NDUFA10: variants seen among roughly 807,000 people sequenced by gnomAD.
NDUFA10 encodes the protein NADH dehydrogenase [ubiquinone] 1 alpha subcomplex subunit 10, mitochondrial.
NDUFA10 carries 40 observed loss-of-function variants against 47.8 expected under a neutral mutation model. The observed-to-expected ratio is 0.84, with a 90% CI of 0.65 to 1.09. The LOEUF is 1.09. Ranked by LOEUF, NDUFA10 falls within the 50% of genes least tolerant of loss-of-function variation. The pLI is 0.00. For missense variants in NDUFA10, 413 were observed against 451.1 expected (o/e 0.92, Z 0.76); for synonymous variants, 183 against 172.2 (o/e 1.06, Z -0.49).
intron 9 of NDUFA10, among the ~76,000 whole-genome samples, chr2:239,963,409 G>A (rs1694934540): frequency 1.3e-5 from 2 of 152,146 alleles, no homozygotes; most frequent in Non-Finnish European, 2.9e-5. Flanking sequence ...AAGACCGCAA[G>A]AGAGGGACGT....
At chr2:239,983,045 C>T (rs1374369500) in intron 9 of NDUFA10, among the ~76,000 whole-genome samples, 1 of 152,202 alleles carries the variant, frequency 6.6e-6, no homozygotes, top group African/African-American at 2.4e-5. Context: ...GAAGGCTTCA[C>T]ACAAGACATT....
At chr2:239,894,185 C>T (rs1209632050) in intron 5 of NDUFA10, among the ~76,000 whole-genome samples, 2 of 144,592 alleles carry the variant, frequency 1.4e-5, no homozygotes, top group African/African-American at 5.2e-5. Flanking sequence ...ATCCCAGCCT[C>T]ACTCCTTCTC....
Position 239,961,160 on chromosome 2 carries a change from C to G in NDUFA10, c.1026G>C (p.Gly342=). Residue 342 remains glycine, a synonymous_variant, in exon 10 of 10, where the codon GGG becomes GGC. Transcript: ENST00000252711. ...ACTTGTCTCCCACCTCGGTGTTGTA[C>G]CCAGGGCTGTACTTGCGGCCCGGCA... is the stretch of plus-strand genomic sequence containing the variant. ...RELPGRKYSP[G]YNTEVGDKWI... is the part of the protein sequence containing the mutation. 6.2e-7 allele frequency: 1 copy of G among 1,613,918 alleles called. No homozygotes were observed.
intron 4 of NDUFA10, among the ~76,000 whole-genome samples, chr2:239,897,217 T>C (rs923340706): frequency 1.3e-5 from 2 of 152,226 alleles, no homozygotes; most frequent in Non-Finnish European, 1.5e-5. Context: ...TAGGACACAC[T>C]ATAATGTTCT....
chr2:239,931,120 C>T (rs576646820), intron 4 of NDUFA10, among the ~76,000 whole-genome samples: 21 of 152,302 alleles, frequency 1.4e-4, no homozygotes, highest in Middle Eastern at 3.4e-3. Flanking sequence ...ATTGGCTTTT[C>T]CCTGTGAGCA....
chr2:240,024,799 C>A (rs906901266), intron 1 of NDUFA10, among the ~76,000 whole-genome samples: 1 of 152,200 alleles, frequency 6.6e-6, no homozygotes, highest in Non-Finnish European at 1.5e-5. Context: ...CAAAAGGAAG[C>A]GGACACAAGC....
intron 9 of NDUFA10, among the ~76,000 whole-genome samples, chr2:239,978,893 C>T (rs1315219487): frequency 6.6e-6 from 1 of 152,038 alleles, no homozygotes; most frequent in East Asian, 1.9e-4. Flanking sequence ...TTTTTAGAAA[C>T]CTAAAAAAGG....
At chr2:239,929,268 T>C (rs931283053) in intron 4 of NDUFA10, among the ~76,000 whole-genome samples, 6 of 152,046 alleles carry the variant, frequency 3.9e-5, no homozygotes, top group Non-Finnish European at 8.8e-5. Flanking sequence ...CAGCCACCCA[T>C]GGGTTACGGA....
chr2:239,981,966 A>G (rs1286556423), intron 9 of NDUFA10: 4 of 968,220 alleles, frequency 4.1e-6, no homozygotes, highest in Non-Finnish European at 4.4e-6. Context: ...TCTAAGAACC[A>G]CTGCCATGAA....
At position 239,960,961 on chromosome 2, in the gene NDUFA10, T is replaced by A. The variant is rs1017450915; in HGVS notation, c.*157A>T. The A allele has an allele frequency of 2.6e-6, 4 of 1,533,176 alleles. No individual in the cohort carries two copies. Among genetic ancestry groups the A allele is most frequent in the Middle Eastern group, 2.3e-4 (1 of 4,330 alleles). 95.0% of individuals were successfully genotyped at this position (1,533,176 alleles called of 1,614,324 possible). On this transcript the variant is annotated 3_prime_UTR_variant, in exon 10 of 10. Coordinates refer to ENST00000252711, the MANE Select transcript of NDUFA10 (RefSeq NM_004544.4). ...CTTCCCCCAACTCCATTACCTATACTACAGGATGGATTGCTTTTTGTGAGA... is the reference window on the plus strand; with the variant it reads ...CTTCCCCCAACTCCATTACCTATACAACAGGATGGATTGCTTTTTGTGAGA...
At chr2:239,998,714 G>A (rs1696584747) in intron 8 of NDUFA10, among the ~76,000 whole-genome samples, 1 of 152,184 alleles carries the variant, frequency 6.6e-6, no homozygotes, top group Admixed American at 6.5e-5. Flanking sequence ...AAAATTACGG[G>A]CAGTGAGTGT....
At chr2:239,971,414 T>C (rs1695301261) in intron 9 of NDUFA10, among the ~76,000 whole-genome samples, 1 of 152,260 alleles carries the variant, frequency 6.6e-6, no homozygotes, top group South Asian at 2.1e-4. Flanking sequence ...GAGCCACCTC[T>C]GCCTCCTCGA....
intron 1 of NDUFA10, among the ~76,000 whole-genome samples, chr2:240,024,578 T>C (rs561345583): frequency 3.2e-4 from 48 of 152,252 alleles, no homozygotes; most frequent in African/African-American, 1.2e-3. Context: ...TAGAACCTTA[T>C]AGCACAAAGA....
rs1349218548 is a variant in NDUFA10, at chr2:239,960,417, C to A, written c.*701G>T. 2 of 986,394 alleles carry A rather than the reference C, an allele frequency of 2.0e-6. No individual in the cohort carries two copies. The highest frequency in any genetic ancestry group is 1.7e-5 in the African/African-American group (1 of 57,256). The allele number at this position is 986,394 out of a possible 1,614,324, so 61.1% of individuals were successfully genotyped here. ...TTGCTTTTGCATCTTATGTCATCAA[C>A]AGCCTAAGCTCAAATCTCCCTTCAA... On this transcript the variant is annotated 3_prime_UTR_variant, in exon 10 of 10. Transcript: ENST00000252711.
At chr2:239,948,566 C>T (rs1694496132) in intron 4 of NDUFA10, among the ~76,000 whole-genome samples, 1 of 152,268 alleles carries the variant, frequency 6.6e-6, no homozygotes, top group African/African-American at 2.4e-5. Flanking sequence ...CCGAGCAAAG[C>T]TGCCAAGGCT....
chr2:239,947,937 G>A (rs1217912618), intron 4 of NDUFA10, among the ~76,000 whole-genome samples: 1 of 152,134 alleles, frequency 6.6e-6, no homozygotes, highest in East Asian at 1.9e-4. Flanking sequence ...CTTGAGCGTG[G>A]GCACTGGGTG....
At position 240,021,332 on chromosome 2, in the gene NDUFA10, TATAG is replaced by T. The variant is rs1559408124; in HGVS notation, c.321_324del (p.Asp107GlufsTer44). On this transcript the variant is annotated frameshift_variant, in exon 3 of 10. Transcript: ENST00000252711. LOFTEE classifies it high-confidence loss of function. Reference sequence around the variant, plus strand: ...AATTTCTCCAAACTACAGTTGCCATTATAGTCGGTGGCGAGGGGCTTCCCATCTC... The same window carrying T: ...AATTTCTCCAAACTACAGTTGCCATTTCGGTGGCGAGGGGCTTCCCATCTC... 6.2e-7 allele frequency: 1 copy of T among 1,614,178 alleles called. No individual in the cohort carries two copies. The highest frequency in any genetic ancestry group is 8.5e-7 in the Non-Finnish European group (1 of 1,180,014).
intron 4 of NDUFA10, among the ~76,000 whole-genome samples, chr2:239,911,322 T>C (rs1693750204): frequency 6.6e-6 from 1 of 152,156 alleles, no homozygotes; most frequent in Non-Finnish European, 1.5e-5. Flanking sequence ...GGCGACTCTT[T>C]CTTGCTCTTT....
Position 239,959,008 on chromosome 2 carries a change from G to A in NDUFA10, c.*2110C>T, listed in dbSNP as rs926291220. ...TGTACTGCTCTGAAATAAGGAAATC[G>A]GGGCATCTCCTCACCTCTTCTTGAG... On this transcript the variant is annotated 3_prime_UTR_variant, in exon 10 of 10. Transcript: ENST00000252711. 7.1e-6 allele frequency: 7 copies of A among 985,412 alleles called. No homozygotes were observed. The highest frequency in any genetic ancestry group is 1.1e-4 in the East Asian group (1 of 8,812). The allele number at this position is 985,412 out of a possible 1,614,324, so 61.0% of individuals were successfully genotyped here.
Sources: gnomAD v4.1 joint callset for allele counts (sites outside exome capture counted in the v4.1 genomes callset) on GRCh38, gnomAD v4.1.1 for gene constraint, MANE v1.5 for transcripts, NCBI Gene and HGNC (gene_info 2026-07-23, HGNC 2026-07-21) for gene names.